CAPN7: variants seen among roughly 807,000 people sequenced by gnomAD.
CAPN7 encodes calpain 7.
A neutral mutation model predicts 115.2 loss-of-function variants in CAPN7; 72 were observed. The observed-to-expected ratio is 0.63, with a 90% CI of 0.52 to 0.76. CAPN7 has a LOEUF of 0.76. Ranked by LOEUF, CAPN7 falls within the 30% of genes least tolerant of loss-of-function variation. The pLI, the probability that CAPN7 is intolerant of heterozygous loss-of-function variation, is 0.00. For synonymous variants in CAPN7, 344 were observed against 322.3 expected (o/e 1.07, Z -0.72); for missense variants, 905 against 971.5 (o/e 0.93, Z 0.91).
At chr3:15,219,085 T>C (rs571501039) in intron 4 of CAPN7, among the ~76,000 whole-genome samples, 1 of 152,236 alleles carries the variant, frequency 6.6e-6, no homozygotes, top group African/African-American at 2.4e-5. Flanking sequence ...ACTAGCTTAT[T>C]ATATTTGTTG....
chr3:15,242,276 C>T (rs1437866085), intron 16 of CAPN7, 23 bp downstream of exon 16: 2 of 1,408,088 alleles, frequency 1.4e-6, no homozygotes, highest in East Asian at 2.3e-5. Context: ...GCCCAGCAAA[C>T]ATTAAAATAA....
Position 15,220,847 on chromosome 3 carries a change from A to C in CAPN7, c.504A>C (p.Pro168=). 1 of 1,614,210 alleles carries C rather than the reference A, an allele frequency of 6.2e-7. No individual in the cohort carries two copies. The highest frequency in any genetic ancestry group is 8.5e-7 in the Non-Finnish European group (1 of 1,180,034). ...VGKISSTSVK[P]KPPPVRAHFP... ...AAATCAGTTCAACAAGTGTTAAGCC[A>C]AAGCCACCTCCAGTGAGAGCACATT... is the stretch of plus-strand genomic sequence containing the variant. The change falls in exon 5 of 21, where the codon CCA becomes CCC. Residue 168 remains proline, a synonymous_variant. Transcript: ENST00000253693.
At chr3:15,209,366 A>C (rs888328188) in intron 1 of CAPN7, among the ~76,000 whole-genome samples, 1 of 152,202 alleles carries the variant, frequency 6.6e-6, no homozygotes, top group East Asian at 1.9e-4. Context: ...TACATGTGAT[A>C]ATTTAATACA....
At chr3:15,250,555 C>T (rs1695945062) in intron 19 of CAPN7, among the ~76,000 whole-genome samples, 2 of 152,064 alleles carry the variant, frequency 1.3e-5, no homozygotes, top group African/African-American at 2.4e-5. Flanking sequence ...CCCTGTAGTC[C>T]CAACTATTCA....
At chr3:15,209,633 A>G (rs1292455172) in intron 1 of CAPN7, among the ~76,000 whole-genome samples, 1 of 152,224 alleles carries the variant, frequency 6.6e-6, no homozygotes, top group Admixed American at 6.5e-5. Context: ...GCATTTCAGA[A>G]TCCTTTTAGA....
chr3:15,217,714 A>G lies in CAPN7; in HGVS notation c.369+132A>G, dbSNP rs914549246. The G allele has an allele frequency of 1.3e-5, 8 of 625,372 alleles. No individual in the cohort carries two copies. The African/African-American group carries it at 1.5e-4, about 12-fold the overall frequency. The allele number at this position is 625,372 out of a possible 1,614,324, so 38.7% of individuals were successfully genotyped here. On this transcript the variant is annotated intron_variant, in intron 3 of 20. Coordinates refer to ENST00000253693, the MANE Select transcript of CAPN7 (RefSeq NM_014296.3). ...AAAAATTATTTTAAATGTAACAACTACTCCTCAATATAAGATGATGAGTAG... is the reference window on the plus strand; with the variant it reads ...AAAAATTATTTTAAATGTAACAACTGCTCCTCAATATAAGATGATGAGTAG...
intron 19 of CAPN7, among the ~76,000 whole-genome samples, chr3:15,249,920 A>G (rs1695902302): frequency 6.6e-6 from 1 of 151,780 alleles, no homozygotes; most frequent in South Asian, 2.1e-4. Context: ...GCACACCACC[A>G]TGCGCAGCTA....
Position 15,218,476 on chromosome 3 carries a change from T to TA in CAPN7, c.374dup (p.Tyr125Ter). The TA allele has an allele frequency of 6.2e-7, 1 of 1,609,080 alleles. No homozygotes were observed. The highest frequency in any genetic ancestry group is 8.5e-7 in the Non-Finnish European group (1 of 1,175,596). The change falls in exon 4 of 21, where the codon TAT (tyrosine) becomes TAAT (stop). Residue 125 changes from tyrosine to a stop codon, truncating the protein, a stop_gained and frameshift_variant. Coordinates refer to ENST00000253693, the MANE Select transcript of CAPN7 (RefSeq NM_014296.3). LOFTEE classifies it high-confidence loss of function. ...EAVDLCLKTSYETADKVLQNK... is the reference protein window; with the variant it reads ...EAVDLCLKTS ...CTGTCTCTTTCTTTCTCTTAAGTCT[T>TA]ATGAAACTGCTGATAAAGTCCTGCA...
In CAPN7 at chr3:15,206,518, G is replaced by A. The variant is rs1280116893; in HGVS notation, c.23G>A (p.Arg8Gln). Residue 8 changes from arginine to glutamine, a missense_variant, in exon 1 of 21, where the codon CGG becomes CAG. Physicochemically the swap from Arg to Gln is conservative, Grantham distance 43. Transcript: ENST00000253693. MDATALE[R>Q]DAVQFARLAV... ...GCCATGGACGCCACAGCACTGGAGC[G>A]GGACGCTGTGCAGTTCGCCCGTCTG... The A allele has an allele frequency of 6.4e-6, 10 of 1,553,290 alleles. No homozygotes were observed. The highest frequency in any genetic ancestry group is 2.4e-5 in the South Asian group (2 of 84,132).
rs111519559 is a variant in CAPN7 at position 15,223,210 on chromosome 3, A to T, written c.639-265A>T. 6.7e-3 allele frequency among the ~76,000 whole-genome samples: 1,027 copies of T among 152,252 alleles called. 20 individuals are homozygous for T. Among genetic ancestry groups the T allele is most frequent in the African/African-American group, 0.024 (983 of 41,546 alleles). On this transcript the variant is annotated intron_variant, in intron 5 of 20. Coordinates refer to ENST00000253693, the MANE Select transcript of CAPN7 (RefSeq NM_014296.3). ...TTGGTTTTGTGTCTTGGTGTCAAGG[A>T]CACTTTCATTACCTCTTGAATAGTC...
rs556612010 is a variant in CAPN7, at chr3:15,213,985, A to G, written c.211+1773A>G. On this transcript the variant is annotated intron_variant, in intron 2 of 20. Transcript: ENST00000253693. The stretch of plus-strand genomic sequence containing the variant: ...AAGTTCCGCCTCCGGGGTTCACGCC[A>G]TTCTCCTGCGTCAGCCTCCCCAGTA... Among the ~76,000 whole-genome samples, 286 of 149,936 alleles carry G rather than the reference A, an allele frequency of 1.9e-3. 2 individuals carry two copies. Among genetic ancestry groups the G allele is most frequent in the African/African-American group, 6.8e-3 (278 of 40,620 alleles).
intron 6 of CAPN7, among the ~76,000 whole-genome samples, chr3:15,225,116 C>T (rs893268398): frequency 2.6e-5 from 4 of 152,056 alleles, no homozygotes; most frequent in African/African-American, 7.2e-5. Context: ...AAATGTAAAA[C>T]CCTGAGAATG....
At chr3:15,228,013 G>A (rs368733472) in intron 7 of CAPN7, 48 bp downstream of exon 7, 7 of 1,325,694 alleles carry the variant, frequency 5.3e-6, no homozygotes, top group African/African-American at 1.5e-5. Flanking sequence ...GCATTTTAAA[G>A]TAATTTGTGT....
At chr3:15,218,576 G>GAAA in intron 4 of CAPN7, 36 bp downstream of exon 4, 1 of 1,445,358 alleles carries the variant, frequency 6.9e-7, no homozygotes, top group Non-Finnish European at 9.7e-7. Flanking sequence ...TCCATGGATG[G>GAAA]CACTTAGTGT....
chr3:15,240,260 G>A (rs576228158), intron 12 of CAPN7, among the ~76,000 whole-genome samples: 3 of 152,242 alleles, frequency 2.0e-5, no homozygotes, highest in African/African-American at 4.8e-5. Context: ...AACTACATGC[G>A]GTGAAAGACT....
intron 2 of CAPN7, 66 bp downstream of exon 2, chr3:15,212,278 T>C: frequency 4.8e-6 from 4 of 832,018 alleles, no homozygotes; most frequent in Non-Finnish European, 7.6e-6. Flanking sequence ...CTTTCCCCCA[T>C]GTTTGTTTCT....
rs1337981448 is a variant in CAPN7 at position 15,249,018 on chromosome 3, AAAAAAAC to A, written c.2204+1567_2204+1573del. Among the ~76,000 whole-genome samples, 908 of 150,104 alleles carry A rather than the reference AAAAAAAC, an allele frequency of 6.0e-3. 16 individuals are homozygous for A. Among genetic ancestry groups the A allele is most frequent in the African/African-American group, 0.019 (783 of 40,510 alleles). ...CTCATACAACAACCAAAAAAAAAAA[AAAAAAAC>A]AAAAACAGAATACAAATAAAAACAG... On this transcript the variant is annotated intron_variant, in intron 19 of 20. Transcript: ENST00000253693.
chr3:15,250,771 A>C (rs1695959605), intron 19 of CAPN7, among the ~76,000 whole-genome samples, 160 bp from the exon 20 acceptor site: 1 of 152,094 alleles, frequency 6.6e-6, no homozygotes, highest in Non-Finnish European at 1.5e-5. Flanking sequence ...CAACTGAAAA[A>C]TATAAATGGT....
At position 15,233,902 on chromosome 3, in the gene CAPN7, A is replaced by G. The variant is rs1183371243; in HGVS notation, c.1215A>G (p.Pro405=). ...TTCATGCACTGACTGGCTGGATACC[A>G]GAAAGAATTGCTATGCATTCAGATA... ...IDLHALTGWI[P]ERIAMHSDSQ... is the part of the protein sequence containing the mutation. The change falls in exon 11 of 21, where the codon CCA becomes CCG. Residue 405 remains proline, a synonymous_variant. Transcript: ENST00000253693. 1.2e-6 allele frequency: 2 copies of G among 1,607,036 alleles called. No homozygotes were observed. The highest frequency in any genetic ancestry group is 1.7e-6 in the Non-Finnish European group (2 of 1,174,526).
Sources: allele counts gnomAD v4.1 joint callset (sites outside exome capture counted in the v4.1 genomes callset), GRCh38; gene constraint gnomAD v4.1.1; transcripts MANE v1.5; gene names NCBI Gene and HGNC (gene_info 2026-07-23, HGNC 2026-07-21).